WDR72: variants seen among roughly 807,000 people sequenced by gnomAD.
WDR72 encodes the protein WD repeat-containing protein 72.
WDR72 carries 120 observed loss-of-function variants against 124.2 expected under a neutral mutation model. That is an observed-to-expected ratio of 0.97 (90% CI 0.83 to 1.12). WDR72 has a LOEUF of 1.12. Ranked by LOEUF, WDR72 falls within the 50% of genes most tolerant of loss-of-function variation. The pLI, the probability that WDR72 is intolerant of heterozygous loss-of-function variation, is 0.00. For synonymous variants in WDR72, 452 were observed against 441.7 expected (o/e 1.02, Z -0.29); for missense variants, 1,387 against 1,278.8 (o/e 1.08, Z -1.29).
chr15:53,697,053 A>G (rs1483177952), intron 13 of WDR72, among the ~76,000 whole-genome samples: 2 of 152,224 alleles, frequency 1.3e-5, no homozygotes, highest in East Asian at 3.8e-4. Flanking sequence ...TTTTTAAACT[A>G]TTAATATAGA....
intron 14 of WDR72, among the ~76,000 whole-genome samples, chr15:53,655,269 A>T (rs2015381901): frequency 6.7e-6 from 1 of 148,882 alleles, no homozygotes; most frequent in African/African-American, 2.5e-5. Flanking sequence ...AAGAGATCTT[A>T]AAGACAATTT....
rs1467407245 is a variant in WDR72 at position 53,674,735 on chromosome 15, T to C, written c.1766-8967A>G. Among the ~76,000 whole-genome samples, 11 of 152,262 alleles carry C rather than the reference T, an allele frequency of 7.2e-5. No individual in the cohort carries two copies. The East Asian group carries it at 1.9e-3, about 27-fold the overall frequency. ...ATAACAAACTTAGATTGGCGTCACA[T>C]CAATCTTCTGTACCTTAAGGGTATA... On this transcript the variant is annotated intron_variant, in intron 13 of 19. Coordinates refer to ENST00000360509, the MANE Select transcript of WDR72 (RefSeq NM_182758.4).
intron 1 of WDR72, among the ~76,000 whole-genome samples, chr15:53,744,949 T>G (rs2018606641): frequency 6.6e-6 from 1 of 151,638 alleles, no homozygotes; most frequent in African/African-American, 2.4e-5. Context: ...CACAGAAATA[T>G]AAAGTTTCTG....
chr15:53,630,541 T>C (rs1025548008), intron 14 of WDR72, among the ~76,000 whole-genome samples: 5 of 152,130 alleles, frequency 3.3e-5, no homozygotes, highest in East Asian at 3.9e-4. Flanking sequence ...ATCCCACATA[T>C]AGAGTTGACT....
intron 19 of WDR72, among the ~76,000 whole-genome samples, chr15:53,518,997 G>A (rs979714261): frequency 6.6e-6 from 1 of 152,052 alleles, no homozygotes; most frequent in African/African-American, 2.4e-5. Flanking sequence ...TTACGTAAAT[G>A]CATTTTGTTG....
intron 18 of WDR72, among the ~76,000 whole-genome samples, chr15:53,551,732 C>A (rs1252243541): frequency 6.6e-6 from 1 of 151,920 alleles, no homozygotes; most frequent in Admixed American, 6.6e-5. Context: ...AAGCAGGGAG[C>A]CAGAGGTGGA....
chr15:53,592,976 C>T (rs1034005641), intron 18 of WDR72, among the ~76,000 whole-genome samples: 1 of 152,028 alleles, frequency 6.6e-6, no homozygotes, highest in African/African-American at 2.4e-5. Flanking sequence ...AACACAGATA[C>T]ACAAATATTA....
At chr15:53,716,191 A>G (rs2017700922) in intron 4 of WDR72, among the ~76,000 whole-genome samples, 2 of 152,210 alleles carry the variant, frequency 1.3e-5, no homozygotes, top group African/African-American at 4.8e-5. Flanking sequence ...TATAAAAGTT[A>G]TATACAGAGA....
chr15:53,692,908 C>G (rs1004382469), intron 13 of WDR72, among the ~76,000 whole-genome samples: 1 of 152,084 alleles, frequency 6.6e-6, no homozygotes, highest in Admixed American at 6.6e-5. Context: ...TTAATGTATC[C>G]TATTTTTTCT....
Position 53,597,218 on chromosome 15 carries a change from ACT to A in WDR72, c.3007_3008del (p.Ser1003PhefsTer8). ...LLAEVQQHMK[S>X]LGKIPVNSQP... ...GACTATTGACGGGTATCTTTCCCAA[ACT>A]CTTCATGTGTTGTTGAACTTCCGCC... On this transcript the variant is annotated frameshift_variant, in exon 18 of 20. Transcript: ENST00000360509. LOFTEE classifies it high-confidence loss of function. The A allele has an allele frequency of 6.2e-7, 1 of 1,613,572 alleles. No homozygotes were observed. The highest frequency in any genetic ancestry group is 8.5e-7 in the Non-Finnish European group (1 of 1,179,796).
intron 1 of WDR72, among the ~76,000 whole-genome samples, chr15:53,736,709 A>T (rs1796279077): frequency 1.3e-5 from 2 of 152,182 alleles, no homozygotes; most frequent in Admixed American, 1.3e-4. Context: ...GAATACAGGG[A>T]TAAGCAGGAT....
chr15:53,700,166 A>G (rs2017128697), intron 12 of WDR72, among the ~76,000 whole-genome samples: 1 of 152,230 alleles, frequency 6.6e-6, no homozygotes, highest in Admixed American at 6.5e-5. Flanking sequence ...AGGTCAAAAG[A>G]TGAATCCAGG....
chr15:53,615,274 T>C (rs2013708091), intron 15 of WDR72, 152 bp downstream of exon 15: 1 of 601,228 alleles, frequency 1.7e-6, no homozygotes, highest in Non-Finnish European at 2.8e-6. Context: ...AAAAGGGAGA[T>C]TTTCTTAAAT....
intron 8 of WDR72, 47 bp from the exon 9 acceptor site, chr15:53,711,000 T>A: frequency 6.5e-7 from 1 of 1,539,282 alleles, no homozygotes; most frequent in Non-Finnish European, 8.9e-7. Context: ...TGAGGTTCTT[T>A]ATTCGTTTTT....
At chr15:53,577,572 A>T (rs549774251) in intron 18 of WDR72, among the ~76,000 whole-genome samples, 2 of 152,256 alleles carry the variant, frequency 1.3e-5, no homozygotes, top group African/African-American at 4.8e-5. Flanking sequence ...TTTATAATGG[A>T]TATATAAAGC....
At chr15:53,718,119 A>G (rs1438413221) in intron 3 of WDR72, among the ~76,000 whole-genome samples, 33 of 152,180 alleles carry the variant, frequency 2.2e-4, no homozygotes, top group Non-Finnish European at 2.9e-5. Flanking sequence ...TTTTGACTCT[A>G]GCTATGCATC....
intron 18 of WDR72, among the ~76,000 whole-genome samples, chr15:53,540,290 T>C (rs1893011737): frequency 6.6e-6 from 1 of 152,078 alleles, no homozygotes; most frequent in Non-Finnish European, 1.5e-5. Context: ...ATGCCAATAG[T>C]AGACAGTACA....
In WDR72 at chr15:53,560,038, C is replaced by T. The variant is rs941604449; in HGVS notation, c.3149-36716G>A. Among the ~76,000 whole-genome samples, 5 of 151,878 alleles carry T rather than the reference C, an allele frequency of 3.3e-5. No individual in the cohort carries two copies. The South Asian group carries it at 8.3e-4, about 25-fold the overall frequency. ...AAAGAGACAGTTTAGAAGCACATGG[C>T]ACATTTATCACAACTCCACAGACAA... On this transcript the variant is annotated intron_variant, in intron 18 of 19. Coordinates refer to ENST00000360509, the MANE Select transcript of WDR72 (RefSeq NM_182758.4).
At chr15:53,602,658 C>T (rs1300712838) in intron 17 of WDR72, among the ~76,000 whole-genome samples, 1 of 151,968 alleles carries the variant, frequency 6.6e-6, no homozygotes, top group Non-Finnish European at 1.5e-5. Context: ...GGGGATATTA[C>T]CACTGACCCA....
Sources: allele counts gnomAD v4.1 joint callset (sites outside exome capture counted in the v4.1 genomes callset), GRCh38; gene constraint gnomAD v4.1.1; transcripts MANE v1.5; gene names NCBI Gene and HGNC (gene_info 2026-07-23, HGNC 2026-07-21).